Variants in SUPT3H observed in about 807,000 individuals in gnomAD.
SUPT3H encodes the protein transcription initiation protein SPT3 homolog.
A neutral mutation model predicts 44.3 loss-of-function variants in SUPT3H; 44 were observed. The ratio of observed to expected loss-of-function variants is 0.99; its 90% CI spans 0.78 to 1.28. The LOEUF (loss-of-function observed/expected upper bound fraction) is 1.28. Ranked by LOEUF, SUPT3H falls within the 50% of genes most tolerant of loss-of-function variation. SUPT3H has a pLI of 0.00. For missense variants in SUPT3H, 380 were observed against 387.1 expected (o/e 0.98, Z 0.15); for synonymous variants, 124 against 125.6 (o/e 0.99, Z 0.09).
chr6:45,092,311 A>AT (rs1797227520), intron 3 of SUPT3H, among the ~76,000 whole-genome samples: 1 of 152,192 alleles, frequency 6.6e-6, no homozygotes, highest in South Asian at 2.1e-4. Context: ...ACTTAATGCC[A>AT]TATTATTAGT....
At chr6:45,263,963 C>CA (rs1186278546) in intron 2 of SUPT3H, among the ~76,000 whole-genome samples, 2 of 152,050 alleles carry the variant, frequency 1.3e-5, no homozygotes, top group Non-Finnish European at 2.9e-5. Flanking sequence ...TTATGTACAT[C>CA]ATTTGAATAC....
chr6:45,151,986 T>C (rs1386607467), intron 2 of SUPT3H, among the ~76,000 whole-genome samples: 1 of 152,150 alleles, frequency 6.6e-6, no homozygotes, highest in Admixed American at 6.6e-5. Context: ...AATTCTCAGA[T>C]CAACTTCTCT....
intron 2 of SUPT3H, among the ~76,000 whole-genome samples, chr6:45,287,903 T>A (rs949090379): frequency 6.6e-6 from 1 of 152,210 alleles, no homozygotes; most frequent in Non-Finnish European, 1.5e-5. Context: ...TTCTTCGTGT[T>A]ATTTTGTAAC....
At chr6:45,194,602 A>T (rs1484006604) in intron 2 of SUPT3H, among the ~76,000 whole-genome samples, 1 of 152,198 alleles carries the variant, frequency 6.6e-6, no homozygotes, top group Non-Finnish European at 1.5e-5. Context: ...CACATGCTGC[A>T]AAACATTTTA....
intron 2 of SUPT3H, among the ~76,000 whole-genome samples, chr6:45,188,618 G>C (rs1814634418): frequency 6.6e-6 from 1 of 152,048 alleles, no homozygotes; most frequent in Non-Finnish European, 1.5e-5. Flanking sequence ...ATGCAAGCCT[G>C]TTACAACATT....
chr6:45,159,309 G>A (rs1293508214), intron 2 of SUPT3H: 5 of 152,176 alleles, frequency 3.3e-5, no homozygotes, highest in African/African-American at 7.2e-5. Flanking sequence ...ACACCTGAAC[G>A]TAACTGGCTC....
intron 3 of SUPT3H, among the ~76,000 whole-genome samples, chr6:45,102,908 C>T (rs1798782060): frequency 6.6e-6 from 1 of 150,732 alleles, no homozygotes; most frequent in South Asian, 2.1e-4. Context: ...CTCTGCACTC[C>T]AACCTGGACG....
chr6:44,943,874 AC>A (rs1263699362), intron 9 of SUPT3H, among the ~76,000 whole-genome samples: 1 of 152,156 alleles, frequency 6.6e-6, no homozygotes, highest in African/African-American at 2.4e-5. Flanking sequence ...TTGCACTACA[AC>A]AAATGTTAAA....
At chr6:45,074,064 A>T (rs997166847) in intron 3 of SUPT3H, among the ~76,000 whole-genome samples, 3 of 152,008 alleles carry the variant, frequency 2.0e-5, no homozygotes, top group African/African-American at 4.8e-5. Context: ...GAGAATAAAA[A>T]TGTTAACTCT....
intron 2 of SUPT3H, among the ~76,000 whole-genome samples, chr6:45,363,488 T>C (rs995556737): frequency 2.0e-5 from 3 of 152,134 alleles, no homozygotes; most frequent in African/African-American, 4.8e-5. Flanking sequence ...CATTACACTG[T>C]AAGTTTGAAA....
At chr6:45,287,373 C>A (rs1399567750) in intron 2 of SUPT3H, among the ~76,000 whole-genome samples, 1 of 152,250 alleles carries the variant, frequency 6.6e-6, no homozygotes, top group Non-Finnish European at 1.5e-5. Flanking sequence ...TGTCCCTCAG[C>A]AGATAAACTG....
At position 45,328,407 on chromosome 6, in the gene SUPT3H, T is replaced by C. The variant is rs535015975; in HGVS notation, c.101+36794A>G. The C allele has an allele frequency of 7.2e-5, 102 of 1,421,082 alleles. 3 individuals are homozygous for C. In the East Asian group the frequency reaches 1.4e-3, roughly 20 times the overall value. The allele number at this position is 1,421,082 out of a possible 1,614,324, so 88.0% of individuals were successfully genotyped here. A position where few individuals can be genotyped will look rare whatever the true frequency, so the allele number is the denominator to read the frequency against. ...GGAGGACAGCAAGAAGTCTCTGGTT[T>C]TTAAATGGTTAATCTCCGCAGGTCA... On this transcript the variant is annotated intron_variant, in intron 2 of 10. Coordinates refer to ENST00000371459, the MANE Select transcript of SUPT3H (RefSeq NM_003599.4).
intron 5 of SUPT3H, among the ~76,000 whole-genome samples, chr6:45,011,450 T>A (rs1373145346): frequency 6.6e-6 from 1 of 152,090 alleles, no homozygotes; most frequent in Non-Finnish European, 1.5e-5. Flanking sequence ...TTTGTTATAT[T>A]AACCATTTTA....
chr6:45,155,466 G>A (rs897252362), intron 2 of SUPT3H, among the ~76,000 whole-genome samples: 1 of 152,094 alleles, frequency 6.6e-6, no homozygotes, highest in Non-Finnish European at 1.5e-5. Flanking sequence ...CTTTGTCCTT[G>A]GTCAGGTCAC....
chr6:45,176,216 G>A (rs1015665151), intron 2 of SUPT3H, among the ~76,000 whole-genome samples: 5 of 151,274 alleles, frequency 3.3e-5, no homozygotes, highest in South Asian at 2.1e-4. Context: ...CAGTGGGTGC[G>A]CGCACCGTGC....
intron 6 of SUPT3H, among the ~76,000 whole-genome samples, chr6:45,001,937 A>C (rs1782060784): frequency 6.6e-6 from 1 of 152,070 alleles, no homozygotes; most frequent in Non-Finnish European, 1.5e-5. Flanking sequence ...TCTACAGTTA[A>C]GTTATGTCTA....
At chr6:44,839,851 G>A (rs969273615) in intron 10 of SUPT3H, among the ~76,000 whole-genome samples, 44 of 152,032 alleles carry the variant, frequency 2.9e-4, no homozygotes, top group Admixed American at 3.3e-4. Flanking sequence ...ACAGGTGCCC[G>A]CCACCACGCC....
chr6:45,099,676 G>A (rs1798277596), intron 3 of SUPT3H, among the ~76,000 whole-genome samples: 2 of 151,944 alleles, frequency 1.3e-5, no homozygotes, highest in African/African-American at 2.4e-5. Context: ...TCTTTGTATC[G>A]CTATAACCAG....
chr6:44,828,194 AAG>A lies in SUPT3H; in HGVS notation c.*1620_*1621del, dbSNP rs1767984894. On this transcript the variant is annotated 3_prime_UTR_variant, in exon 11 of 11. Transcript: ENST00000371459. ...AATGCTATCGTTTAAAAGTTAAGTT[AAG>A]TTAGGATGTTTACTGCAAGCTTGTA... Among the ~76,000 whole-genome samples, 1 of 152,068 alleles carries A rather than the reference AAG, an allele frequency of 6.6e-6. No homozygotes were observed. Among genetic ancestry groups the A allele is most frequent in the African/African-American group, 2.4e-5 (1 of 41,416 alleles).
Sources: gnomAD v4.1 joint callset for allele counts (sites outside exome capture counted in the v4.1 genomes callset) on GRCh38, gnomAD v4.1.1 for gene constraint, MANE v1.5 for transcripts, NCBI Gene and HGNC (gene_info 2026-07-23, HGNC 2026-07-21) for gene names.